LUZP2: variants seen among roughly 807,000 people sequenced by gnomAD.
LUZP2 encodes the protein leucine zipper protein 2.
LUZP2 carries 52 observed loss-of-function variants against 51.6 expected under a neutral mutation model. The observed-to-expected ratio is 1.01, with a 90% CI of 0.81 to 1.27. LUZP2 has a LOEUF of 1.27. Ranked by LOEUF, LUZP2 falls within the 50% of genes most tolerant of loss-of-function variation. LUZP2 has a pLI of 0.00. For missense variants in LUZP2, 436 were observed against 395.4 expected (o/e 1.10, Z -0.87); for synonymous variants, 154 against 137.3 (o/e 1.12, Z -0.85).
chr11:24,501,511 G>T (rs557443005), intron 1 of LUZP2, among the ~76,000 whole-genome samples: 1 of 152,194 alleles, frequency 6.6e-6, no homozygotes, highest in Non-Finnish European at 1.5e-5. Context: ...GAAACTATGT[G>T]TGCGGCTGTT....
intron 5 of LUZP2, among the ~76,000 whole-genome samples, chr11:24,903,961 T>C (rs1853359102): frequency 6.6e-6 from 1 of 152,180 alleles, no homozygotes; most frequent in South Asian, 2.1e-4. Context: ...GAGTTCAACA[T>C]ACTGATTTCA....
chr11:25,054,526 A>C (rs1858618326), intron 10 of LUZP2, among the ~76,000 whole-genome samples: 2 of 151,978 alleles, frequency 1.3e-5, no homozygotes, highest in Non-Finnish European at 2.9e-5. Flanking sequence ...TTTTGCATTT[A>C]TTATTTGCAT....
chr11:24,976,689 T>C, intron 8 of LUZP2, 24 bp downstream of exon 8: 3 of 846,862 alleles, frequency 3.5e-6, no homozygotes, highest in Non-Finnish European at 5.1e-6. Flanking sequence ...CATGAACCAT[T>C]ACAACTGTAG....
intron 5 of LUZP2, among the ~76,000 whole-genome samples, chr11:24,830,850 C>T (rs775876138): frequency 1.3e-4 from 20 of 151,758 alleles, no homozygotes; most frequent in East Asian, 2.0e-4. Context: ...AAAAATTAGC[C>T]GGGTGTGATG....
intron 1 of LUZP2, among the ~76,000 whole-genome samples, chr11:24,504,912 G>T (rs184937232): frequency 2.0e-5 from 3 of 152,232 alleles, no homozygotes; most frequent in Admixed American, 1.3e-4. Context: ...GAGAGTACCT[G>T]CAGAGAAAAT....
chr11:24,959,451 T>C (rs1187235758), intron 7 of LUZP2, among the ~76,000 whole-genome samples: 1 of 152,188 alleles, frequency 6.6e-6, no homozygotes, highest in African/African-American at 2.4e-5. Context: ...TTTGTAGTTC[T>C]CCTTGAAGAG....
At chr11:25,050,310 T>C in intron 10 of LUZP2, among the ~76,000 whole-genome samples, 180 bp downstream of exon 10, 1 of 123,716 alleles carries the variant, frequency 8.1e-6, no homozygotes, top group East Asian at 2.2e-4. Flanking sequence ...TTTTTTTTTT[T>C]TTTTTTTTTG....
chr11:24,844,965 G>A (rs1851152482), intron 5 of LUZP2, among the ~76,000 whole-genome samples: 1 of 142,190 alleles, frequency 7.0e-6, no homozygotes, highest in Admixed American at 7.3e-5. Context: ...CCTCTGCTAG[G>A]GCAGTGAGGA....
intron 5 of LUZP2, among the ~76,000 whole-genome samples, chr11:24,851,474 G>T (rs766189427): frequency 1.3e-5 from 2 of 152,130 alleles, no homozygotes; most frequent in African/African-American, 4.8e-5. Context: ...TAGTGGATAA[G>T]CTTTTTGATG....
Position 24,907,316 on chromosome 11 carries a change from C to A in LUZP2, c.459+1263C>A, listed in dbSNP as rs866770686. Among the ~76,000 whole-genome samples, 272 of 120,510 alleles carry A rather than the reference C, an allele frequency of 2.3e-3. 3 individuals carry two copies. Among genetic ancestry groups the A allele is most frequent in the African/African-American group, 6.6e-3 (225 of 34,084 alleles). 79.1% of individuals were successfully genotyped at this position (120,510 alleles called of 152,430 possible). On this transcript the variant is annotated intron_variant, in intron 6 of 11. Transcript: ENST00000336930. ...CACAAATACAAAAAAAAAAAAAAAA[C>A]ATTAACACAAATACAAAATAACATG...
At chr11:24,803,996 GAAAAA>G (rs75845899) in intron 5 of LUZP2, among the ~76,000 whole-genome samples, 2 of 106,078 alleles carry the variant, frequency 1.9e-5, no homozygotes, top group East Asian at 2.5e-4. Flanking sequence ...TGCCATAAAG[GAAAAA>G]AAAAAAAAAA....
Position 24,717,609 on chromosome 11 carries a change from G to T in LUZP2, c.63-11560G>T, listed in dbSNP as rs1422858194. 2.0e-5 allele frequency among the ~76,000 whole-genome samples: 3 copies of T among 150,944 alleles called. No individual in the cohort carries two copies. In the East Asian group the frequency reaches 5.9e-4, roughly 30 times the overall value. On this transcript the variant is annotated intron_variant, in intron 1 of 11. Transcript: ENST00000336930. The stretch of plus-strand genomic sequence containing the variant: ...TTTTTTTTTTTTTAGTAGAGACAGG[G>T]TTTCACCGTGTTACCCAGGATGGTC...
At chr11:24,633,962 G>GTATATATATATATA (rs753189196) in intron 1 of LUZP2, among the ~76,000 whole-genome samples, 5 of 141,018 alleles carry the variant, frequency 3.5e-5, no homozygotes, top group African/African-American at 9.9e-5. Context: ...GTGTGTGTGT[G>GTATATATATATATA]TGTATATATA....
At chr11:24,856,624 C>T (rs544034964) in intron 5 of LUZP2, among the ~76,000 whole-genome samples, 1 of 152,092 alleles carries the variant, frequency 6.6e-6, no homozygotes, top group African/African-American at 2.4e-5. Context: ...GATACTTGTA[C>T]TTGTATGTTT....
chr11:25,018,121 G>C (rs986812610), intron 9 of LUZP2, among the ~76,000 whole-genome samples: 1 of 149,678 alleles, frequency 6.7e-6, no homozygotes, highest in African/African-American at 2.5e-5. Flanking sequence ...CTTGGTGGTT[G>C]TTGGTATATG....
chr11:24,720,837 C>A lies in LUZP2; in HGVS notation c.63-8332C>A, dbSNP rs548486789. 9.2e-5 allele frequency among the ~76,000 whole-genome samples: 14 copies of A among 152,280 alleles called. No individual in the cohort carries two copies. The South Asian group carries it at 1.2e-3, about 14-fold the overall frequency. Reference sequence around the variant, plus strand: ...CCTCAGCCTCTCCGAGTAGCTGGGACTACAGGCGCCCGCCACCACGTCCGG... The same window carrying A: ...CCTCAGCCTCTCCGAGTAGCTGGGAATACAGGCGCCCGCCACCACGTCCGG... On this transcript the variant is annotated intron_variant, in intron 1 of 11. Transcript: ENST00000336930.
intron 10 of LUZP2, among the ~76,000 whole-genome samples, chr11:25,054,228 G>A (rs1363990604): frequency 6.6e-6 from 1 of 152,048 alleles, no homozygotes; most frequent in Non-Finnish European, 1.5e-5. Flanking sequence ...TCAGCTTTTT[G>A]CTTGTTGTGA....
rs550224598 is a variant in LUZP2, at chr11:24,562,129, G to C, written c.62+64824G>C. Among the ~76,000 whole-genome samples, 43 of 151,996 alleles carry C rather than the reference G, an allele frequency of 2.8e-4. 1 individual carries two copies. Among genetic ancestry groups the C allele is most frequent in the African/African-American group, 9.6e-4 (40 of 41,502 alleles). On this transcript the variant is annotated intron_variant, in intron 1 of 11. Coordinates refer to ENST00000336930, the MANE Select transcript of LUZP2 (RefSeq NM_001009909.4). Reference sequence around the variant, plus strand: ...CGTTAGTTTTTGACACTGAATAATGGAAAAAGGTTTAAAAACACAGAGTAA... The same window carrying C: ...CGTTAGTTTTTGACACTGAATAATGCAAAAAGGTTTAAAAACACAGAGTAA...
At chr11:24,625,004 CA>C (rs1854628363) in intron 1 of LUZP2, among the ~76,000 whole-genome samples, 1 of 152,010 alleles carries the variant, frequency 6.6e-6, no homozygotes. Context: ...ATGGTGAGCA[CA>C]GAAGGAAATC....
Sources: allele counts gnomAD v4.1 joint callset (sites outside exome capture counted in the v4.1 genomes callset), GRCh38; gene constraint gnomAD v4.1.1; transcripts MANE v1.5; gene names NCBI Gene and HGNC (gene_info 2026-07-23, HGNC 2026-07-21).